Variants in CTNNA3 observed in about 807,000 individuals in gnomAD.
CTNNA3 encodes the protein catenin alpha-3.
Under a neutral mutation model 95.7 loss-of-function variants are expected in CTNNA3, and 76 were observed. That is an observed-to-expected ratio of 0.79 (90% confidence interval 0.66 to 0.96). The LOEUF is 0.96. Among genes scored for constraint, CTNNA3 ranks in the 40% least tolerant of loss-of-function variants. The probability of loss-of-function intolerance (pLI) is 0.00; values close to 1 mark genes in which losing one functional copy is unlikely to be tolerated. For missense variants in CTNNA3, 1,191 were observed against 1,089.8 expected, an observed-to-expected ratio of 1.09 and a Z score of -1.31; for synonymous variants, 431 against 374.4, an observed-to-expected ratio of 1.15 and a Z score of -1.74.
At chr10:67,171,402 C>G (rs374896029) in intron 7 of CTNNA3, among the ~76,000 whole-genome samples, 16 of 152,066 alleles carry the variant, frequency 1.1e-4, no homozygotes, top group African/African-American at 3.9e-4. Context: ...TGGAGAAACC[C>G]CGTTTCTACT....
chr10:67,762,862 C>T (rs918288504), intron 1 of CTNNA3, among the ~76,000 whole-genome samples: 1 of 152,114 alleles, frequency 6.6e-6, no homozygotes, highest in Non-Finnish European at 1.5e-5. Context: ...ATTCTAATTA[C>T]CGGTGCATGC....
chr10:67,750,221 A>G (rs1841398374), intron 1 of CTNNA3: 1 of 1,451,826 alleles, frequency 6.9e-7, no homozygotes, highest in Non-Finnish European at 9.6e-7. Context: ...GGAAGGAACC[A>G]ACTCTGGACA....
At position 67,521,846 on chromosome 10, in the gene CTNNA3, T is replaced by C. The variant is rs576347698; in HGVS notation, c.575A>G (p.Gln192Arg). ...ENLDYLAFKRQQDLKSPNQRD... is the reference protein window; with the variant it reads ...ENLDYLAFKRRQDLKSPNQRD... ...AAGGAGAGCTCTGACTCCTACCTGC[T>C]GACGTTTGAAGGCTAAATAATCCAA... The change falls in exon 5 of 18, where the codon CAG becomes CGG. Residue 192 changes from glutamine to arginine, a missense_variant. Coordinates refer to ENST00000433211, the MANE Select transcript of CTNNA3 (RefSeq NM_013266.4). 1 of 1,613,578 alleles carries C rather than the reference T, an allele frequency of 6.2e-7. No individual in the cohort carries two copies. Among genetic ancestry groups the C allele is most frequent in the East Asian group, 2.2e-5 (1 of 44,878 alleles).
intron 3 of CTNNA3, 45 bp downstream of exon 3, chr10:67,606,812 C>A: frequency 6.9e-7 from 1 of 1,454,972 alleles, no homozygotes; most frequent in African/African-American, 1.4e-5. Flanking sequence ...TGACTAACAC[C>A]CTAAAGATAT....
intron 7 of CTNNA3, chr10:66,926,950 T>C: frequency 6.2e-7 from 1 of 1,605,214 alleles, no homozygotes; most frequent in Non-Finnish European, 8.5e-7. Context: ...ACTGAGCGGA[T>C]CAGCTGTAGC....
chr10:66,902,147 C>A (rs1489002517), intron 7 of CTNNA3, among the ~76,000 whole-genome samples: 1 of 152,142 alleles, frequency 6.6e-6, no homozygotes, highest in Non-Finnish European at 1.5e-5. Flanking sequence ...CACTCCTCAG[C>A]AAATGTAAAA....
chr10:67,066,194 G>GGTT, intron 7 of CTNNA3, among the ~76,000 whole-genome samples: 1 of 73,364 alleles, frequency 1.4e-5, no homozygotes, highest in African/African-American at 8.5e-5. Flanking sequence ...GAAGTCACTG[G>GGTT]CTTTTTTTTT....
intron 9 of CTNNA3, among the ~76,000 whole-genome samples, chr10:66,668,289 CT>C (rs1846528780): frequency 6.6e-6 from 1 of 152,076 alleles, no homozygotes; most frequent in South Asian, 2.1e-4. Context: ...GGAAATATGT[CT>C]GCAAAAAGTA....
chr10:66,625,121 T>C (rs1345401794), intron 9 of CTNNA3, among the ~76,000 whole-genome samples: 2 of 152,164 alleles, frequency 1.3e-5, no homozygotes, highest in Admixed American at 6.5e-5. Flanking sequence ...AAACAAGAAG[T>C]CTTCAAACAG....
chr10:66,616,050 C>T (rs923501533), intron 10 of CTNNA3, among the ~76,000 whole-genome samples: 1 of 152,004 alleles, frequency 6.6e-6, no homozygotes. Flanking sequence ...ATCGCTTTAT[C>T]CTTCCACCAG....
At chr10:67,411,912 G>GTCATT (rs907642594) in intron 5 of CTNNA3, among the ~76,000 whole-genome samples, 2 of 152,070 alleles carry the variant, frequency 1.3e-5, no homozygotes, top group Admixed American at 6.6e-5. Context: ...AGCACTGGCT[G>GTCATT]TCATTTAATT....
intron 7 of CTNNA3, among the ~76,000 whole-genome samples, chr10:66,987,751 A>G (rs1019167424): frequency 2.0e-5 from 3 of 152,194 alleles, no homozygotes; most frequent in Non-Finnish European, 2.9e-5. Context: ...ATTATGAACT[A>G]CTTCATTTCT....
rs190853913 is a variant in CTNNA3, at chr10:67,343,521, T to C, written c.580-123651A>G. ...TATTTAATTTTATTTGTGGCTATTG[T>C]AAATGGGATTCCATTTTAATATTTT... On this transcript the variant is annotated intron_variant, in intron 5 of 17. Coordinates refer to ENST00000433211, the MANE Select transcript of CTNNA3 (RefSeq NM_013266.4). 1.1e-3 allele frequency among the ~76,000 whole-genome samples: 162 copies of C among 152,326 alleles called. 1 individual carries two copies. The highest frequency in any genetic ancestry group is 3.8e-3 in the African/African-American group (157 of 41,582).
At chr10:67,672,580 C>T (rs1452369049) in intron 1 of CTNNA3, among the ~76,000 whole-genome samples, 1 of 152,150 alleles carries the variant, frequency 6.6e-6, no homozygotes, top group Non-Finnish European at 1.5e-5. Context: ...CTACGTAGGG[C>T]TAGCCAGTTT....
At chr10:66,664,889 T>TAAAAAAA (rs56801434) in intron 9 of CTNNA3, among the ~76,000 whole-genome samples, 6 of 134,520 alleles carry the variant, frequency 4.5e-5, no homozygotes, top group Non-Finnish European at 8.1e-5. Context: ...CTGAAAAAAT[T>TAAAAAAA]AAAAAAAAAA....
intron 1 of CTNNA3, among the ~76,000 whole-genome samples, chr10:67,688,621 T>C (rs1840782269): frequency 6.6e-6 from 1 of 152,078 alleles, no homozygotes; most frequent in Admixed American, 6.5e-5. Flanking sequence ...AGAAAAAAGT[T>C]AGCTGCCTCT....
rs1189554120 is a variant in CTNNA3 at position 66,065,247 on chromosome 10, T to TGG, written c.2159+4060_2159+4061insCC. 2.4e-3 allele frequency among the ~76,000 whole-genome samples: 361 copies of TGG among 152,070 alleles called. 3 individuals are homozygous for TGG. The highest frequency in any genetic ancestry group is 8.4e-3 in the African/African-American group (348 of 41,426). ...TTTAAATGGTTTTTTTTTGTTTTGT[T>TGG]TTGTTTTGTTTTCCCTTCTCACTAA... On this transcript the variant is annotated intron_variant, in intron 15 of 17. Coordinates refer to ENST00000433211, the MANE Select transcript of CTNNA3 (RefSeq NM_013266.4).
At chr10:66,456,954 T>A (rs913633231) in intron 11 of CTNNA3, among the ~76,000 whole-genome samples, 3 of 151,648 alleles carry the variant, frequency 2.0e-5, no homozygotes, top group Admixed American at 2.0e-4. Flanking sequence ...ATTAGCTGGG[T>A]GTGGTGGCAT....
intron 2 of CTNNA3, among the ~76,000 whole-genome samples, chr10:67,620,581 C>A: frequency 6.6e-6 from 1 of 152,092 alleles, no homozygotes; most frequent in South Asian, 2.1e-4. Context: ...TGAGGAAGGT[C>A]AGATCACTTA....
Sources: allele counts gnomAD v4.1 joint callset (sites outside exome capture counted in the v4.1 genomes callset), GRCh38; gene constraint gnomAD v4.1.1; transcripts MANE v1.5; gene names NCBI Gene and HGNC (gene_info 2026-07-23, HGNC 2026-07-21).